Variants in FAF2 observed in about 807,000 individuals in gnomAD.
FAF2 encodes the protein Fas associated factor family member 2, also known as FAS-associated factor 2.
Under a neutral mutation model 62.3 loss-of-function variants are expected in FAF2, and 9 were observed. The observed-to-expected ratio is 0.14, with a 90% CI of 0.09 to 0.25. The LOEUF is 0.25. FAF2 is among the 10% of genes least tolerant of loss of function. The pLI is 1.00. For synonymous variants in FAF2, 202 were observed against 198.0 expected, an observed-to-expected ratio of 1.02 and a Z score of -0.17; for missense variants, 368 against 556.2, an observed-to-expected ratio of 0.66 and a Z score of 3.40.
chr5:176,489,362 T>C (rs778786586), intron 4 of FAF2, among the ~76,000 whole-genome samples: 1 of 146,106 alleles, frequency 6.8e-6, no homozygotes, highest in Non-Finnish European at 1.5e-5. Context: ...TTCTAACCAC[T>C]ATCATCTCCT....
intron 1 of FAF2, among the ~76,000 whole-genome samples, chr5:176,460,100 A>G (rs778155685): frequency 6.6e-6 from 1 of 152,158 alleles, no homozygotes; most frequent in Admixed American, 6.6e-5. Context: ...TCTATAGTGT[A>G]TATGTACCAC....
chr5:176,491,266 C>T (rs971295799), intron 4 of FAF2, among the ~76,000 whole-genome samples: 1 of 152,152 alleles, frequency 6.6e-6, no homozygotes, highest in Non-Finnish European at 1.5e-5. Flanking sequence ...TGTCCTGTTG[C>T]CTTCTCTGGA....
At position 176,507,104 on chromosome 5, in the gene FAF2, C is replaced by T; in HGVS notation, c.*154C>T. 1 of 376,716 alleles carries T rather than the reference C, an allele frequency of 2.7e-6. No individual in the cohort carries two copies. The highest frequency in any genetic ancestry group is 4.0e-6 in the Non-Finnish European group (1 of 247,872). The allele number at this position is 376,716 out of a possible 1,614,324, so 23.3% of individuals were successfully genotyped here. A position where few individuals can be genotyped will look rare whatever the true frequency, so the allele number is the denominator to read the frequency against. ...ATTTTTTTTAAAAGACTGCTGCATC[C>T]TTAGGAAGGATCAGAAACCATGCTG... On this transcript the variant is annotated 3_prime_UTR_variant, in exon 11 of 11. Transcript: ENST00000261942.
rs1438070012 is a variant in FAF2, at chr5:176,509,788, T to C, written c.*2838T>C. 2 of 152,406 alleles carry C rather than the reference T, an allele frequency of 1.3e-5. No individual in the cohort carries two copies. Among genetic ancestry groups the C allele is most frequent in the African/African-American group, 2.4e-5 (1 of 41,376 alleles). 9.4% of individuals were successfully genotyped at this position (152,406 alleles called of 1,614,324 possible). A position where few individuals can be genotyped will look rare whatever the true frequency, so the allele number is the denominator to read the frequency against. Reference sequence around the variant, plus strand: ...AATGGTGCCAAGGCCAAGCAAAGAGTTTCAGAAAATGACTGAGAAGGAGCG... The same window carrying C: ...AATGGTGCCAAGGCCAAGCAAAGAGCTTCAGAAAATGACTGAGAAGGAGCG... On this transcript the variant is annotated 3_prime_UTR_variant, in exon 11 of 11. Coordinates refer to ENST00000261942, the MANE Select transcript of FAF2 (RefSeq NM_014613.3).
In FAF2 at chr5:176,499,008, C is replaced by G. The variant is rs777778262; in HGVS notation, c.934C>G (p.Arg312Gly). Residue 312 changes from arginine to glycine, a missense_variant, in exon 9 of 11, where the codon CGG becomes GGG. Physicochemically the swap from Arg to Gly is moderately radical, Grantham distance 125. Coordinates refer to ENST00000261942, the MANE Select transcript of FAF2 (RefSeq NM_014613.3). ...TGACCAGGAGAAAGAAAGAAAGAAA[C>G]GGGAGGAGCGGGAGCGTAAGCGGCG... is the stretch of plus-strand genomic sequence containing the variant. ...RADQEKERKK[R>G]EERERKRRKE... 6.2e-7 allele frequency: 1 copy of G among 1,613,100 alleles called. No individual in the cohort carries two copies. The highest frequency in any genetic ancestry group is 2.2e-5 in the East Asian group (1 of 44,858).
intron 3 of FAF2, among the ~76,000 whole-genome samples, chr5:176,487,776 A>G (rs1303499434): frequency 6.6e-6 from 1 of 152,164 alleles, no homozygotes; most frequent in Non-Finnish European, 1.5e-5. Context: ...TTATATACCA[A>G]TGTCCAAGGT....
intron 1 of FAF2, among the ~76,000 whole-genome samples, chr5:176,451,936 CTG>C (rs1468381515): frequency 1.1e-5 from 1 of 94,582 alleles, no homozygotes; most frequent in Non-Finnish European, 2.0e-5. Flanking sequence ...CAACATATCT[CTG>C]TTGCCCAGGC....
At chr5:176,479,366 T>C in intron 2 of FAF2, 110 bp downstream of exon 2, 1 of 855,382 alleles carries the variant, frequency 1.2e-6, no homozygotes. Flanking sequence ...TTTTCAGAAT[T>C]ATGACTCTAA....
At chr5:176,505,024 A>G (rs990062458) in intron 10 of FAF2, among the ~76,000 whole-genome samples, 98 of 117,010 alleles carry the variant, frequency 8.4e-4, no homozygotes, top group South Asian at 7.4e-3. Flanking sequence ...CCTGTCTGGG[A>G]AAAAAAAAAA....
At chr5:176,449,442 G>C (rs891021897) in intron 1 of FAF2, among the ~76,000 whole-genome samples, 1 of 152,146 alleles carries the variant, frequency 6.6e-6, no homozygotes, top group African/African-American at 2.4e-5. Context: ...GGGCGTGGTG[G>C]TGCACGCCTG....
chr5:176,450,524 A>G (rs1758143773), intron 1 of FAF2, among the ~76,000 whole-genome samples: 1 of 152,024 alleles, frequency 6.6e-6, no homozygotes, highest in Non-Finnish European at 1.5e-5. Context: ...AGTAAAGTGC[A>G]TAGGAACCTC....
chr5:176,458,315 T>C (rs1032238376), intron 1 of FAF2, among the ~76,000 whole-genome samples: 2 of 150,884 alleles, frequency 1.3e-5, no homozygotes, highest in African/African-American at 4.9e-5. Flanking sequence ...CTCCTGGCCT[T>C]AAGTGATCCA....
intron 1 of FAF2, among the ~76,000 whole-genome samples, chr5:176,459,090 C>T (rs575084411): frequency 2.0e-5 from 3 of 152,202 alleles, no homozygotes; most frequent in African/African-American, 7.2e-5. Flanking sequence ...ATGATAGATG[C>T]TCAATTAATA....
At chr5:176,491,650 A>G (rs1758972108) in intron 4 of FAF2, among the ~76,000 whole-genome samples, 1 of 152,050 alleles carries the variant, frequency 6.6e-6, no homozygotes, top group Admixed American at 6.6e-5. Context: ...GTCCAGTAGA[A>G]CTCTCTGTGA....
At chr5:176,485,807 GCA>G (rs1758866044) in intron 2 of FAF2, among the ~76,000 whole-genome samples, 1 of 152,176 alleles carries the variant, frequency 6.6e-6, no homozygotes, top group South Asian at 2.1e-4. Flanking sequence ...CTGGGCTCAA[GCA>G]ATCCTCTCAC....
At position 176,479,138 on chromosome 5, in the gene FAF2, G is replaced by T. The variant is rs367758532; in HGVS notation, c.64-50G>T. ...GTATATGGCGTAAAAATACTCACAC[G>T]TATACTGTTGGTTTTTCTCTAAGTA... On this transcript the variant is annotated intron_variant, in intron 1 of 10. Coordinates refer to ENST00000261942, the MANE Select transcript of FAF2 (RefSeq NM_014613.3). The T allele has an allele frequency of 1.2e-5, 17 of 1,430,414 alleles. No individual in the cohort carries two copies. In the East Asian group the frequency reaches 3.9e-4, roughly 33 times the overall value. The allele number at this position is 1,430,414 out of a possible 1,614,324, so 88.6% of individuals were successfully genotyped here.
intron 1 of FAF2, among the ~76,000 whole-genome samples, chr5:176,458,416 T>C (rs1368831322): frequency 7.9e-5 from 10 of 125,866 alleles, no homozygotes; most frequent in African/African-American, 3.3e-4. Flanking sequence ...TCCTTTTTTT[T>C]TTTTTTTTTT....
chr5:176,454,047 C>CT (rs1272776828), intron 1 of FAF2, among the ~76,000 whole-genome samples: 22 of 146,334 alleles, frequency 1.5e-4, no homozygotes, highest in African/African-American at 5.3e-4. Context: ...GAGCGAGACT[C>CT]TAAAAAAAAA....
chr5:176,498,567 A>G (rs1342633342), intron 8 of FAF2, among the ~76,000 whole-genome samples: 6 of 152,242 alleles, frequency 3.9e-5, no homozygotes, highest in Non-Finnish European at 8.8e-5. Context: ...CAGTACAAAA[A>G]TGCAGTCACC....
Sources: gnomAD v4.1 joint callset for allele counts (sites outside exome capture counted in the v4.1 genomes callset) on GRCh38, gnomAD v4.1.1 for gene constraint, MANE v1.5 for transcripts, NCBI Gene and HGNC (gene_info 2026-07-23, HGNC 2026-07-21) for gene names.